The following TEX2 variants were observed in gnomAD, a reference collection of about 807,000 sequenced individuals.
TEX2 encodes the protein testis-expressed protein 2.
TEX2 carries 53 observed loss-of-function variants against 106.9 expected under a neutral mutation model. The observed-to-expected ratio is 0.50, with a 90% confidence interval of 0.40 to 0.62. The LOEUF is 0.62. Ranked by LOEUF, TEX2 falls within the 20% of genes least tolerant of loss-of-function variation. The pLI is 0.00. For synonymous variants in TEX2, 523 were observed against 534.8 expected, an observed-to-expected ratio of 0.98 and a Z score of 0.30; for missense variants, 1,207 against 1,379.0, an observed-to-expected ratio of 0.88 and a Z score of 1.98.
At chr17:64,171,276 C>A in intron 6 of TEX2, 77 bp from the exon 7 acceptor site, 1 of 1,264,642 alleles carries the variant, frequency 7.9e-7, no homozygotes, top group South Asian at 1.2e-5. Context: ...AACATGCTTC[C>A]GGAGAGGATG....
intron 7 of TEX2, among the ~76,000 whole-genome samples, chr17:64,163,292 CATATAT>C (rs200088218): frequency 4.0e-5 from 6 of 151,732 alleles, no homozygotes; most frequent in African/African-American, 1.2e-4. Flanking sequence ...GCCCGGCTAA[CATATAT>C]ATATATTTTA....
Position 64,153,154 on chromosome 17 carries a change from C to A in TEX2, c.2931G>T (p.Gly977=), listed in dbSNP as rs1286503443. ...GDKQLLPGAE[G]YVGGHRTSKI... Reference sequence around the variant, plus strand: ...TACTTGTTCGATGACCTCCAACGTACCTTCAAATGTGGAACACAAAGGGCG... The same window carrying A: ...TACTTGTTCGATGACCTCCAACGTAACTTCAAATGTGGAACACAAAGGGCG... The change falls in exon 10 of 12, where the codon GGG becomes GGT. Residue 977 remains glycine (G), a splice_region_variant and synonymous_variant. Coordinates refer to ENST00000584379, the MANE Select transcript of TEX2 (RefSeq NM_001288732.2). This position sits in a 1 kb window ranked among gnomAD's most constrained non-coding sequence, Gnocchi z 4.1. 4.3e-6 allele frequency: 7 copies of A among 1,610,310 alleles called. No homozygotes were observed. Among genetic ancestry groups the A allele is most frequent in the African/African-American group, 2.7e-5 (2 of 74,706 alleles).
chr17:64,250,947 C>A (rs1033029310), intron 1 of TEX2, among the ~76,000 whole-genome samples: 1 of 152,174 alleles, frequency 6.6e-6, no homozygotes, highest in Non-Finnish European at 1.5e-5. Flanking sequence ...CTGCCTCAGC[C>A]TCCCAAAGTG....
intron 1 of TEX2, among the ~76,000 whole-genome samples, chr17:64,251,303 A>G (rs1354830066): frequency 6.6e-6 from 1 of 152,162 alleles, no homozygotes; most frequent in Non-Finnish European, 1.5e-5. Flanking sequence ...TGGTACCTAG[A>G]ATGCTACTAA....
At position 64,205,514 on chromosome 17, in the gene TEX2, A is replaced by G. The variant is rs924831974; in HGVS notation, c.1644+7060T>C. Among the ~76,000 whole-genome samples the G allele has an allele frequency of 2.0e-5, 3 of 152,072 alleles. No homozygotes were observed. The highest frequency in any genetic ancestry group is 2.9e-5 in the Non-Finnish European group (2 of 68,002). On this transcript the variant is annotated intron_variant, in intron 2 of 11. Coordinates refer to ENST00000584379, the MANE Select transcript of TEX2 (RefSeq NM_001288732.2). This position sits in a 1 kb window ranked among gnomAD's most constrained non-coding sequence, Gnocchi z 4.0. ...CTCTAAGTTATAAGAGACCAACAAAAAGCAATCCAAGTCTCTTTGGGCTGC... is the reference window on the plus strand; with the variant it reads ...CTCTAAGTTATAAGAGACCAACAAAGAGCAATCCAAGTCTCTTTGGGCTGC...
Position 64,212,694 on chromosome 17 carries a change from A to C in TEX2, c.1524T>G (p.Thr508=). Reference sequence around the variant, plus strand: ...TAAAAAACCAAATCACGCAAACTGCAGTCATGAATCCAAGGCCAATTCCCA... The same window carrying C: ...TAAAAAACCAAATCACGCAAACTGCCGTCATGAATCCAAGGCCAATTCCCA... ...LFLGIGLGFM[T]AVCVIWFFTP... The change falls in exon 2 of 12, where the codon ACT becomes ACG. Residue 508 remains threonine, a synonymous_variant. Transcript: ENST00000584379. The C allele has an allele frequency of 6.2e-7, 1 of 1,614,226 alleles. No individual in the cohort carries two copies. The highest frequency in any genetic ancestry group is 8.5e-7 in the Non-Finnish European group (1 of 1,180,036).
Position 64,191,817 on chromosome 17 carries a change from CAAAAAAAAAAAA to C in TEX2, c.2176+1730_2176+1741del, listed in dbSNP as rs58376086. Among the ~76,000 whole-genome samples the C allele has an allele frequency of 1.3e-3, 150 of 119,866 alleles. 1 individual carries two copies. Among genetic ancestry groups the C allele is most frequent in the East Asian group, 8.2e-3 (38 of 4,626 alleles). 78.6% of individuals were successfully genotyped at this position (119,866 alleles called of 152,430 possible). ...TGGGCAACAAAGCTAGACTCCATCT[CAAAAAAAAAAAA>C]AAAAAAAAAAAAAAGAAAGAAAGAA... On this transcript the variant is annotated intron_variant, in intron 4 of 11. Coordinates refer to ENST00000584379, the MANE Select transcript of TEX2 (RefSeq NM_001288732.2).
chr17:64,229,946 G>A (rs933040129), intron 1 of TEX2, among the ~76,000 whole-genome samples: 8 of 152,098 alleles, frequency 5.3e-5, no homozygotes, highest in Non-Finnish European at 5.9e-5. Flanking sequence ...AAAATTAGCC[G>A]TTTCCCCCAG....
chr17:64,242,087 T>C (rs1244797229), intron 1 of TEX2, among the ~76,000 whole-genome samples: 2 of 152,250 alleles, frequency 1.3e-5, no homozygotes, highest in African/African-American at 4.8e-5. Context: ...AATGAATGAA[T>C]GAAGGAACAC....
chr17:64,160,650 C>T, intron 8 of TEX2, 151 bp downstream of exon 8: 1 of 1,038,450 alleles, frequency 9.6e-7, no homozygotes, highest in Non-Finnish European at 1.4e-6. Flanking sequence ...GACTAGGAAA[C>T]CATTCCCTGA....
At chr17:64,236,167 A>G (rs2033762275) in intron 1 of TEX2, among the ~76,000 whole-genome samples, 1 of 152,196 alleles carries the variant, frequency 6.6e-6, no homozygotes, top group African/African-American at 2.4e-5. Flanking sequence ...TTCGGGGAAA[A>G]AAAAATACAA....
At chr17:64,225,885 T>C (rs1453981782) in intron 1 of TEX2, among the ~76,000 whole-genome samples, 4 of 152,024 alleles carry the variant, frequency 2.6e-5, no homozygotes, top group African/African-American at 9.7e-5. Flanking sequence ...AACCAGCTAA[T>C]TTTTGTATTT....
intron 1 of TEX2, among the ~76,000 whole-genome samples, chr17:64,251,844 A>G (rs1416647094): frequency 6.6e-6 from 1 of 152,224 alleles, no homozygotes; most frequent in Admixed American, 6.5e-5. Flanking sequence ...AGTGTCCACC[A>G]GGTAGTACCA....
At chr17:64,261,054 TGAG>T (rs1242678688) in intron 1 of TEX2, among the ~76,000 whole-genome samples, 5 of 152,218 alleles carry the variant, frequency 3.3e-5, no homozygotes, top group African/African-American at 1.2e-4. Context: ...TAATCTACAG[TGAG>T]GAGAATTTCC....
At chr17:64,193,239 T>C (rs545207720) in intron 4 of TEX2, among the ~76,000 whole-genome samples, 1 of 152,326 alleles carries the variant, frequency 6.6e-6, no homozygotes, top group South Asian at 2.1e-4. Flanking sequence ...TCTCCCTGAC[T>C]CACCTGCCAT....
In TEX2 at chr17:64,184,245, G is replaced by A. The variant is rs141248365; in HGVS notation, c.2424+3923C>T. On this transcript the variant is annotated intron_variant, in intron 5 of 11. Transcript: ENST00000584379. Reference sequence around the variant, plus strand: ...TGAGTAGCTGGGACTGCAGGCACATGCCACTATGTCTGGCTAATTTTTTTT... The same window carrying A: ...TGAGTAGCTGGGACTGCAGGCACATACCACTATGTCTGGCTAATTTTTTTT... Among the ~76,000 whole-genome samples the A allele has an allele frequency of 3.0e-3, 461 of 152,000 alleles. 2 individuals carry two copies. The highest frequency in any genetic ancestry group is 9.9e-3 in the African/African-American group (411 of 41,422).
At chr17:64,154,615 C>G (rs1386795697) in intron 9 of TEX2, among the ~76,000 whole-genome samples, 1 of 152,200 alleles carries the variant, frequency 6.6e-6, no homozygotes, top group Non-Finnish European at 1.5e-5. Context: ...ATTATTTAAT[C>G]AAACAGCAGC....
intron 4 of TEX2, among the ~76,000 whole-genome samples, chr17:64,192,130 C>G (rs1444168742): frequency 6.6e-6 from 1 of 152,186 alleles, no homozygotes. Flanking sequence ...TAGGCAGTGC[C>G]TGGTGCTGAG....
At chr17:64,239,616 C>G (rs1472059218) in intron 1 of TEX2, among the ~76,000 whole-genome samples, 1 of 152,038 alleles carries the variant, frequency 6.6e-6, no homozygotes, top group Non-Finnish European at 1.5e-5. Flanking sequence ...CGGCTCACAC[C>G]TGTAATCCCA....
Sources: gnomAD v4.1 joint callset for allele counts (sites outside exome capture counted in the v4.1 genomes callset) on GRCh38, gnomAD v4.1.1 for gene constraint, Gnocchi (gnomAD v3.1) non-coding constraint, MANE v1.5 for transcripts, NCBI Gene and HGNC (gene_info 2026-07-23, HGNC 2026-07-21) for gene names.